The following SULF1 variants were observed in gnomAD, a reference collection of about 807,000 sequenced individuals.
The protein encoded by SULF1 is sulfatase 1.
In SULF1, 46 loss-of-function variants were observed where a neutral mutation model predicts 110.5. The ratio of observed to expected loss-of-function variants is 0.42; its 90% confidence interval spans 0.33 to 0.53. The LOEUF is 0.53. SULF1 is among the 20% of genes least tolerant of loss of function. SULF1 has a pLI of 0.12. For synonymous variants in SULF1, 371 were observed against 387.1 expected (o/e 0.96, Z 0.49); for missense variants, 941 against 1,094.2 (o/e 0.86, Z 1.98).
intron 22 of SULF1, among the ~76,000 whole-genome samples, chr8:69,655,078 C>T (rs1812618369): frequency 6.6e-6 from 1 of 152,136 alleles, no homozygotes. Flanking sequence ...TCTACAAAAC[C>T]CAGCCTGGGG....
In SULF1 at chr8:69,538,736, A is replaced by G. The variant is rs184299671; in HGVS notation, c.-133-24803A>G. On this transcript the variant is annotated intron_variant, in intron 3 of 22. Transcript: ENST00000402687. ...GAGACGGAGTCTCCCTCTGTCACCC[A>G]GGCTGAAGTGCAATGGTGCAATCTT... 2.8e-3 allele frequency among the ~76,000 whole-genome samples: 419 copies of G among 151,896 alleles called. 2 individuals carry two copies. Among genetic ancestry groups the G allele is most frequent in the African/African-American group, 9.3e-3 (384 of 41,400 alleles).
At chr8:69,603,950 AT>A (rs1808028293) in intron 12 of SULF1, among the ~76,000 whole-genome samples, 1 of 152,244 alleles carries the variant, frequency 6.6e-6, no homozygotes, top group Admixed American at 6.5e-5. Context: ...TAATTTATGT[AT>A]ATCTTAAAAT....
chr8:69,557,287 C>T (rs565906509), intron 3 of SULF1, among the ~76,000 whole-genome samples: 1 of 152,290 alleles, frequency 6.6e-6, no homozygotes, highest in South Asian at 2.1e-4. Flanking sequence ...TCCCTTTAGA[C>T]ACTTTGTAAC....
chr8:69,602,070 G>A (rs903929907), intron 10 of SULF1, among the ~76,000 whole-genome samples: 2 of 152,004 alleles, frequency 1.3e-5, no homozygotes, highest in Admixed American at 1.3e-4. Context: ...CAAATTGACT[G>A]GAATCTATGT....
At chr8:69,565,842 A>T (rs1815838936) in intron 5 of SULF1, among the ~76,000 whole-genome samples, 2 of 151,882 alleles carry the variant, frequency 1.3e-5, no homozygotes, top group Non-Finnish European at 2.9e-5. Flanking sequence ...TCTGTGCTTC[A>T]TAAACACAAT....
intron 12 of SULF1, among the ~76,000 whole-genome samples, chr8:69,604,042 G>A (rs535436702): frequency 1.3e-5 from 2 of 152,256 alleles, no homozygotes; most frequent in Admixed American, 1.3e-4. Context: ...ATCTTGATTT[G>A]ATCATTACAC....
At chr8:69,613,152 A>G in intron 13 of SULF1, among the ~76,000 whole-genome samples, 1 of 152,074 alleles carries the variant, frequency 6.6e-6, no homozygotes, top group Non-Finnish European at 1.5e-5. Context: ...TTTGTCCAAG[A>G]TCAGTTGGTG....
intron 1 of SULF1, among the ~76,000 whole-genome samples, chr8:69,467,955 A>T (rs1808923648): frequency 6.6e-6 from 1 of 151,730 alleles, no homozygotes; most frequent in South Asian, 2.1e-4. Flanking sequence ...AAATATAAGA[A>T]GGGGGTTTAT....
chr8:69,636,523 C>G (rs1370157935), intron 19 of SULF1, among the ~76,000 whole-genome samples: 1 of 149,914 alleles, frequency 6.7e-6, no homozygotes, highest in Non-Finnish European at 1.5e-5. Flanking sequence ...GGCGACAGAG[C>G]GATACTCCAT....
At chr8:69,607,525 C>T (rs1428787737) in intron 13 of SULF1, among the ~76,000 whole-genome samples, 2 of 152,044 alleles carry the variant, frequency 1.3e-5, no homozygotes, top group South Asian at 2.1e-4. Context: ...CCACCATGCT[C>T]GACTAATTTT....
chr8:69,523,924 A>G (rs956518878), intron 3 of SULF1, among the ~76,000 whole-genome samples: 1 of 152,242 alleles, frequency 6.6e-6, no homozygotes, highest in Non-Finnish European at 1.5e-5. Flanking sequence ...GGGGTGATCC[A>G]GAAAGGAAGA....
intron 3 of SULF1, among the ~76,000 whole-genome samples, chr8:69,523,351 G>A (rs930827151): frequency 2.0e-5 from 3 of 152,148 alleles, no homozygotes; most frequent in East Asian, 1.9e-4. Flanking sequence ...GTGAAGGTCA[G>A]GGAAGAGTAT....
intron 1 of SULF1, among the ~76,000 whole-genome samples, chr8:69,484,547 CT>C (rs1283437719): frequency 5.3e-5 from 8 of 152,196 alleles, no homozygotes; most frequent in African/African-American, 1.9e-4. Flanking sequence ...ACAAATTTCA[CT>C]TTTAAGAAAT....
intron 1 of SULF1, among the ~76,000 whole-genome samples, chr8:69,486,707 C>T (rs927749248): frequency 6.6e-6 from 1 of 152,150 alleles, no homozygotes; most frequent in African/African-American, 2.4e-5. Context: ...CTATACATTG[C>T]TTGTTAAGTA....
intron 5 of SULF1, among the ~76,000 whole-genome samples, chr8:69,567,341 T>C (rs1196719685): frequency 1.3e-5 from 2 of 152,176 alleles, no homozygotes; most frequent in African/African-American, 2.4e-5. Context: ...TGGGTGTTGG[T>C]TGTTTTGTTT....
intron 3 of SULF1, among the ~76,000 whole-genome samples, chr8:69,514,014 T>C (rs1345366488): frequency 1.3e-5 from 2 of 152,234 alleles, no homozygotes; most frequent in African/African-American, 4.8e-5. Flanking sequence ...TGTGTAACCT[T>C]GGTCAAGTCA....
chr8:69,558,176 A>G (rs572540810), intron 3 of SULF1, among the ~76,000 whole-genome samples: 3 of 152,320 alleles, frequency 2.0e-5, no homozygotes, highest in African/African-American at 7.2e-5. Context: ...AATTAAGGGG[A>G]AAGGGCCATG....
At chr8:69,606,758 T>C (rs1282606380) in intron 13 of SULF1, among the ~76,000 whole-genome samples, 4 of 152,236 alleles carry the variant, frequency 2.6e-5, no homozygotes, top group African/African-American at 9.6e-5. Context: ...TTTCATATTT[T>C]TTGAACTTGT....
At chr8:69,598,233 A>G (rs1231291131) in intron 8 of SULF1, among the ~76,000 whole-genome samples, 1 of 152,166 alleles carries the variant, frequency 6.6e-6, no homozygotes, top group Non-Finnish European at 1.5e-5. Context: ...TTGTTTTGGA[A>G]TACTGTGGAT....
Sources: allele counts gnomAD v4.1 joint callset (sites outside exome capture counted in the v4.1 genomes callset), GRCh38; gene constraint gnomAD v4.1.1; transcripts MANE v1.5; gene names NCBI Gene and HGNC (gene_info 2026-07-23, HGNC 2026-07-21).